Variants in CNTNAP2 observed in about 807,000 individuals in gnomAD.
CNTNAP2 encodes the protein contactin associated protein 2.
A neutral mutation model predicts 155.2 loss-of-function variants in CNTNAP2; 98 were observed. The ratio of observed to expected loss-of-function variants is 0.63; its 90% CI spans 0.54 to 0.75. The LOEUF (loss-of-function observed/expected upper bound fraction) is 0.75. CNTNAP2 is among the 30% of genes least tolerant of loss of function. The pLI is 0.00. For synonymous variants in CNTNAP2, 651 were observed against 631.2 expected, an observed-to-expected ratio of 1.03 and a Z score of -0.47; for missense variants, 1,727 against 1,688.1, an observed-to-expected ratio of 1.02 and a Z score of -0.40.
chr7:147,501,656 A>G (rs1798815301), intron 11 of CNTNAP2, among the ~76,000 whole-genome samples: 1 of 152,218 alleles, frequency 6.6e-6, no homozygotes, highest in Non-Finnish European at 1.5e-5. Flanking sequence ...TTGCCCAACT[A>G]TAGGGTAATG....
intron 1 of CNTNAP2, among the ~76,000 whole-genome samples, chr7:146,743,228 G>A (rs962362864): frequency 6.6e-6 from 1 of 152,018 alleles, no homozygotes; most frequent in African/African-American, 2.4e-5. Flanking sequence ...TTATTATTAT[G>A]GAGAACACAT....
intron 21 of CNTNAP2, among the ~76,000 whole-genome samples, chr7:148,301,306 A>AAAAAAAAAATAT: frequency 1.7e-4 from 18 of 103,842 alleles, no homozygotes; most frequent in African/African-American, 6.8e-4. Flanking sequence ...AAAAAAAAAA[A>AAAAAAAAAATAT]ATATATATAT....
chr7:146,308,680 A>T (rs1243286140), intron 1 of CNTNAP2, among the ~76,000 whole-genome samples: 1 of 152,132 alleles, frequency 6.6e-6, no homozygotes, highest in Non-Finnish European at 1.5e-5. Flanking sequence ...CCTCTTAGGG[A>T]CATGGATGAA....
chr7:148,005,492 C>T (rs1039074093), intron 15 of CNTNAP2, among the ~76,000 whole-genome samples: 2 of 152,032 alleles, frequency 1.3e-5, no homozygotes, highest in Non-Finnish European at 2.9e-5. Flanking sequence ...GGTAAACAAT[C>T]GCCACTGTTA....
intron 15 of CNTNAP2, among the ~76,000 whole-genome samples, chr7:148,043,225 G>A (rs985456068): frequency 4.6e-5 from 7 of 152,292 alleles, no homozygotes; most frequent in African/African-American, 1.4e-4. Flanking sequence ...CATAAAGGCT[G>A]TTTGACAATT....
chr7:146,943,490 TCAAA>T (rs770309742), intron 3 of CNTNAP2, among the ~76,000 whole-genome samples: 9 of 152,284 alleles, frequency 5.9e-5, no homozygotes, highest in Non-Finnish European at 1.2e-4. Flanking sequence ...AGATTCTGTC[TCAAA>T]CAAACAAAGC....
intron 1 of CNTNAP2, among the ~76,000 whole-genome samples, chr7:146,143,580 T>C (rs372572600): frequency 2.4e-4 from 37 of 152,230 alleles, no homozygotes; most frequent in African/African-American, 8.7e-4. Context: ...ACTTGCATTA[T>C]AGCTTTTCCC....
intron 1 of CNTNAP2, among the ~76,000 whole-genome samples, chr7:146,535,680 T>G (rs1797858189): frequency 6.6e-6 from 1 of 151,684 alleles, no homozygotes; most frequent in South Asian, 2.1e-4. Flanking sequence ...TATCGTGTGA[T>G]GCTGAGGTTT....
rs71182188 is a variant in CNTNAP2 at position 147,272,664 on chromosome 7, A to AT, written c.1349-27461dup. On this transcript the variant is annotated intron_variant, in intron 8 of 23. Transcript: ENST00000361727. ...CAGGCGCCGCCACCACGCCCGGCTAATTTTTTTTTTTTTTTTGTATTTGTA... is the reference window on the plus strand; with the variant it reads ...CAGGCGCCGCCACCACGCCCGGCTAATTTTTTTTTTTTTTTTTGTATTTGTA... Among the ~76,000 whole-genome samples the AT allele has an allele frequency of 2.5e-3, 346 of 138,968 alleles. 2 individuals are homozygous for AT. Among genetic ancestry groups the AT allele is most frequent in the Middle Eastern group, 3.6e-3 (1 of 280 alleles). 91.2% of individuals were successfully genotyped at this position (138,968 alleles called of 152,430 possible).
chr7:147,294,537 GT>G (rs1805386194), intron 8 of CNTNAP2, among the ~76,000 whole-genome samples: 1 of 152,234 alleles, frequency 6.6e-6, no homozygotes, highest in East Asian at 1.9e-4. Flanking sequence ...GCATTTTTTA[GT>G]TGTCCTGTAG....
At chr7:146,185,967 T>G (rs1798617870) in intron 1 of CNTNAP2, among the ~76,000 whole-genome samples, 1 of 152,126 alleles carries the variant, frequency 6.6e-6, no homozygotes, top group African/African-American at 2.4e-5. Flanking sequence ...GGCATTTTTA[T>G]TTATGTAATG....
rs149697689 is a variant in CNTNAP2 at position 147,722,471 on chromosome 7, A to C, written c.2098+83165A>C. Among the ~76,000 whole-genome samples the C allele has an allele frequency of 5.9e-5, 9 of 152,216 alleles. No individual in the cohort carries two copies. In the East Asian group the frequency reaches 1.7e-3, roughly 29 times the overall value. The stretch of plus-strand genomic sequence containing the variant: ...TCTGGGGTTCGACCACAGTTACAGG[A>C]AGGTCATAGTGTATCCGGCAGTTTG... On this transcript the variant is annotated intron_variant, in intron 13 of 23. Coordinates refer to ENST00000361727, the MANE Select transcript of CNTNAP2 (RefSeq NM_014141.6).
chr7:147,625,372 T>C (rs1331204560), intron 12 of CNTNAP2, among the ~76,000 whole-genome samples: 1 of 152,138 alleles, frequency 6.6e-6, no homozygotes, highest in Non-Finnish European at 1.5e-5. Flanking sequence ...ACCCCATAAA[T>C]ATATATACCT....
rs576810383 is a variant in CNTNAP2, at chr7:146,313,414, TC to T, written c.97+196442del. 1.1e-4 allele frequency among the ~76,000 whole-genome samples: 16 copies of T among 152,334 alleles called. 1 individual carries two copies. In the South Asian group the frequency reaches 3.3e-3, roughly 32 times the overall value. On this transcript the variant is annotated intron_variant, in intron 1 of 23. Transcript: ENST00000361727. Reference sequence around the variant, plus strand: ...ATTTTATAATTGGGTTGTTTTCTTGTCATGAGTTAAATTCCTCATATGACGT... The same window carrying T: ...ATTTTATAATTGGGTTGTTTTCTTGTATGAGTTAAATTCCTCATATGACGT...
chr7:146,552,167 A>G (rs1278178205), intron 1 of CNTNAP2, among the ~76,000 whole-genome samples: 1 of 152,094 alleles, frequency 6.6e-6, no homozygotes, highest in Non-Finnish European at 1.5e-5. Flanking sequence ...TTATAGCTTT[A>G]TCATGCCTAA....
At chr7:147,340,727 T>C (rs1163777749) in intron 9 of CNTNAP2, among the ~76,000 whole-genome samples, 1 of 152,164 alleles carries the variant, frequency 6.6e-6, no homozygotes, top group Non-Finnish European at 1.5e-5. Flanking sequence ...CTTTCATATA[T>C]TTAAATTGGG....
intron 7 of CNTNAP2, among the ~76,000 whole-genome samples, chr7:147,130,737 T>C (rs1352377646): frequency 6.6e-6 from 1 of 152,078 alleles, no homozygotes; most frequent in Non-Finnish European, 1.5e-5. Context: ...CTACCTCCTC[T>C]TCCCCCACAT....
chr7:147,496,196 A>G lies in CNTNAP2; in HGVS notation c.1777+10155A>G, dbSNP rs554739573. 3.3e-5 allele frequency among the ~76,000 whole-genome samples: 5 copies of G among 150,428 alleles called. No homozygotes were observed. In the East Asian group the frequency reaches 9.9e-4, roughly 30 times the overall value. ...TAGAAATAAATTGCAAAATAAATGTATGTACTTGAATCATCCTGAAACCAT... is the reference window on the plus strand; with the variant it reads ...TAGAAATAAATTGCAAAATAAATGTGTGTACTTGAATCATCCTGAAACCAT... On this transcript the variant is annotated intron_variant, in intron 11 of 23. Transcript: ENST00000361727.
intron 20 of CNTNAP2, among the ~76,000 whole-genome samples, chr7:148,260,512 A>G (rs140782502): frequency 0.014 from 2,208 of 152,358 alleles, 24 homozygotes; most frequent in Non-Finnish European, 0.022. Context: ...CTATATCTGC[A>G]GTTGGACAAA....
Sources: gnomAD v4.1 joint callset for allele counts (sites outside exome capture counted in the v4.1 genomes callset) on GRCh38, gnomAD v4.1.1 for gene constraint, MANE v1.5 for transcripts, NCBI Gene and HGNC (gene_info 2026-07-23, HGNC 2026-07-21) for gene names.